The following PAPOLA variants were observed in gnomAD, a reference collection of about 807,000 sequenced individuals.
PAPOLA encodes polynucleotide adenylyltransferase alpha.
In PAPOLA, 15 loss-of-function variants were observed where a neutral mutation model predicts 100.6. That is an observed-to-expected ratio of 0.15 (90% CI 0.10 to 0.23). The LOEUF is 0.23. Among genes scored for constraint, PAPOLA ranks in the 10% least tolerant of loss-of-function variants. The pLI, the probability that PAPOLA is intolerant of heterozygous loss-of-function variation, is 1.00. For synonymous variants in PAPOLA, 293 were observed against 300.0 expected, an observed-to-expected ratio of 0.98 and a Z score of 0.24; for missense variants, 533 against 884.2, an observed-to-expected ratio of 0.60 and a Z score of 5.04.
chr14:96,535,490 A>G (rs1055538918), intron 10 of PAPOLA: 2 of 986,222 alleles, frequency 2.0e-6, no homozygotes, highest in Non-Finnish European at 2.4e-6. Context: ...TTAAGTTTCT[A>G]TCTTGTTGAA....
intron 20 of PAPOLA, among the ~76,000 whole-genome samples, chr14:96,561,040 G>A (rs1566869402): frequency 6.6e-6 from 1 of 152,168 alleles, no homozygotes. Context: ...AGCAGTACAT[G>A]TCTTCATTGA....
intron 12 of PAPOLA, chr14:96,542,030 TA>T: frequency 2.8e-6 from 1 of 352,908 alleles, no homozygotes; most frequent in South Asian, 7.9e-5. Context: ...TAATTATTCA[TA>T]AAGTCACTGC....
chr14:96,514,274 C>T (rs955006427), intron 1 of PAPOLA, among the ~76,000 whole-genome samples: 3 of 151,470 alleles, frequency 2.0e-5, no homozygotes, highest in East Asian at 1.9e-4. Flanking sequence ...CCCGGGTTCA[C>T]GCCATTCTCC....
At chr14:96,537,201 A>T in intron 12 of PAPOLA, 141 bp downstream of exon 12, 3 of 604,904 alleles carry the variant, frequency 5.0e-6, no homozygotes, top group Non-Finnish European at 6.0e-6. Context: ...GTTTTAGTGA[A>T]CTCCTTAGTT....
chr14:96,514,039 G>C (rs1341539525), intron 1 of PAPOLA, among the ~76,000 whole-genome samples: 3 of 152,142 alleles, frequency 2.0e-5, no homozygotes, highest in Non-Finnish European at 2.9e-5. Context: ...AAAGCCATTT[G>C]AGTATTTCAT....
At chr14:96,562,595 T>C in intron 20 of PAPOLA, 1 of 351,342 alleles carries the variant, frequency 2.8e-6, no homozygotes, top group East Asian at 5.4e-5. Context: ...GTTTGACCCA[T>C]GCCTTATAAG....
intron 9 of PAPOLA, chr14:96,533,395 GTTAT>G: frequency 1.0e-6 from 1 of 982,246 alleles, no homozygotes; most frequent in Non-Finnish European, 1.2e-6. Flanking sequence ...ATAAAAATTA[GTTAT>G]TTGAGACAAT....
intron 12 of PAPOLA, among the ~76,000 whole-genome samples, chr14:96,540,677 G>C (rs1899909068): frequency 6.6e-6 from 1 of 152,124 alleles, no homozygotes; most frequent in Admixed American, 6.5e-5. Flanking sequence ...TTGGTTTGTA[G>C]GAGTTTGGAC....
intron 1 of PAPOLA, among the ~76,000 whole-genome samples, chr14:96,506,061 G>C (rs1896695037): frequency 6.6e-6 from 1 of 152,002 alleles, no homozygotes; most frequent in African/African-American, 2.4e-5. Context: ...ACGCCACCAC[G>C]CTCAGCTAAT....
chr14:96,524,383 G>C (rs554749827), intron 3 of PAPOLA, among the ~76,000 whole-genome samples: 2 of 152,194 alleles, frequency 1.3e-5, no homozygotes, highest in East Asian at 3.9e-4. Context: ...AAATTTAGTT[G>C]TTTCTAAATT....
At chr14:96,522,362 G>T (rs573280422) in intron 3 of PAPOLA, among the ~76,000 whole-genome samples, 1 of 151,214 alleles carries the variant, frequency 6.6e-6, no homozygotes, top group South Asian at 2.1e-4. Flanking sequence ...CAAGTGATCT[G>T]CCCACCTCGG....
intron 12 of PAPOLA, among the ~76,000 whole-genome samples, chr14:96,539,215 A>ATTT (rs1474212892): frequency 5.3e-5 from 8 of 152,108 alleles, no homozygotes; most frequent in Non-Finnish European, 1.2e-4. Context: ...TATTAGGAAA[A>ATTT]CCAATGTATT....
In PAPOLA at chr14:96,562,867, A is replaced by T. The variant is rs1901976018; in HGVS notation, c.2116A>T (p.Thr706Ser). 6.2e-7 allele frequency: 1 copy of T among 1,612,412 alleles called. No individual in the cohort carries two copies. The highest frequency in any genetic ancestry group is 8.5e-7 in the Non-Finnish European group (1 of 1,178,870). Residue 706 changes from threonine to serine, a missense_variant, in exon 21 of 22, where the codon ACA becomes TCA. Thr to Ser is a moderately conservative substitution (Grantham distance 58). Coordinates refer to ENST00000216277, the MANE Select transcript of PAPOLA (RefSeq NM_032632.5). ...TSTTQSETIQ[T>S]AASLLASQKT... ...TACAACTCAATCAGAAACTATTCAGACAGCGGCTTCTCTGTTGGCCTCTCA... is the reference window on the plus strand; with the variant it reads ...TACAACTCAATCAGAAACTATTCAGTCAGCGGCTTCTCTGTTGGCCTCTCA...
chr14:96,502,880 G>T (rs1179285156), intron 1 of PAPOLA: 2 of 406,374 alleles, frequency 4.9e-6, no homozygotes, highest in Admixed American at 4.3e-5. Context: ...CCTCTAACTC[G>T]CCCGGCCACT....
chr14:96,511,158 C>G lies in PAPOLA; in HGVS notation c.8+8558C>G, dbSNP rs78265713. On this transcript the variant is annotated intron_variant, in intron 1 of 21. Transcript: ENST00000216277. Reference sequence around the variant, plus strand: ...TAAAGTGTTTTCTGTTAAGTAGTAGCTATAAATTGGGGCAGTTGACTCTGT... The same window carrying G: ...TAAAGTGTTTTCTGTTAAGTAGTAGGTATAAATTGGGGCAGTTGACTCTGT... Among the ~76,000 whole-genome samples, 122 of 152,332 alleles carry G rather than the reference C, an allele frequency of 8.0e-4. 1 individual carries two copies. The East Asian group carries it at 0.012, about 15-fold the overall frequency.
intron 3 of PAPOLA, among the ~76,000 whole-genome samples, chr14:96,523,222 T>C (rs1044425688): frequency 2.0e-5 from 3 of 152,204 alleles, no homozygotes; most frequent in Non-Finnish European, 2.9e-5. Flanking sequence ...TTCCATGACC[T>C]GAATTAAGAA....
intron 7 of PAPOLA, chr14:96,532,070 TG>T: frequency 7.8e-7 from 1 of 1,279,174 alleles, no homozygotes; most frequent in Non-Finnish European, 9.8e-7. Context: ...AAGTTCAAAT[TG>T]GGGCAGGTTA....
chr14:96,546,380 AGAT>A (rs1414847992), intron 15 of PAPOLA, among the ~76,000 whole-genome samples: 2 of 152,218 alleles, frequency 1.3e-5, no homozygotes, highest in African/African-American at 4.8e-5. Context: ...CCTAGTGTCC[AGAT>A]GATATTTTTA....
intron 20 of PAPOLA, among the ~76,000 whole-genome samples, chr14:96,561,137 T>C (rs902427721): frequency 2.0e-5 from 3 of 152,078 alleles, no homozygotes; most frequent in African/African-American, 7.2e-5. Flanking sequence ...TCTCTTTGGG[T>C]TGAGAATTTG....
Sources: gnomAD v4.1 joint callset for allele counts (sites outside exome capture counted in the v4.1 genomes callset) on GRCh38, gnomAD v4.1.1 for gene constraint, MANE v1.5 for transcripts, NCBI Gene and HGNC (gene_info 2026-07-23, HGNC 2026-07-21) for gene names.